The following GABRB3 variants were observed in gnomAD, a reference collection of about 807,000 sequenced individuals.
GABRB3 encodes the protein gamma-aminobutyric acid receptor subunit beta-3.
GABRB3 carries 14 observed loss-of-function variants against 52.1 expected under a neutral mutation model. The ratio of observed to expected loss-of-function variants is 0.27; its 90% CI spans 0.18 to 0.42. GABRB3 has a LOEUF of 0.42. Ranked by LOEUF, GABRB3 falls within the 10% of genes least tolerant of loss-of-function variation. GABRB3 has a pLI of 1.00. For synonymous variants in GABRB3, 260 were observed against 232.3 expected, an observed-to-expected ratio of 1.12 and a Z score of -1.08; for missense variants, 307 against 609.1, an observed-to-expected ratio of 0.50 and a Z score of 5.22.
At chr15:26,771,423 C>G (rs1566837425) in intron 3 of GABRB3, among the ~76,000 whole-genome samples, 1 of 152,154 alleles carries the variant, frequency 6.6e-6, no homozygotes. Context: ...GGATCTAAAA[C>G]CATGTCTCAC....
At chr15:26,740,278 G>A (rs1890167343) in intron 3 of GABRB3, among the ~76,000 whole-genome samples, 1 of 152,142 alleles carries the variant, frequency 6.6e-6, no homozygotes, top group African/African-American at 2.4e-5. Flanking sequence ...AGGATAATGT[G>A]AAAAGTGCAG....
chr15:26,673,658 C>G (rs1775776688), intron 3 of GABRB3, among the ~76,000 whole-genome samples: 1 of 152,212 alleles, frequency 6.6e-6, no homozygotes. Context: ...TCATTCAGAG[C>G]AAATCAGACA....
chr15:26,668,634 AGTG>A (rs1304733198), intron 3 of GABRB3, among the ~76,000 whole-genome samples: 9 of 152,186 alleles, frequency 5.9e-5, no homozygotes, highest in Non-Finnish European at 1.3e-4. Context: ...TTATTTAATC[AGTG>A]GTGTTGAAGA....
At chr15:26,645,859 T>A (rs1038599215) in intron 3 of GABRB3, among the ~76,000 whole-genome samples, 4 of 152,100 alleles carry the variant, frequency 2.6e-5, no homozygotes, top group Non-Finnish European at 4.4e-5. Flanking sequence ...CTCAAACTTC[T>A]GGGCTCAAGT....
intron 3 of GABRB3, among the ~76,000 whole-genome samples, chr15:26,731,407 C>T (rs1889910761): frequency 6.6e-6 from 1 of 152,120 alleles, no homozygotes; most frequent in South Asian, 2.1e-4. Flanking sequence ...TTGAATAAAA[C>T]CTTTTTGAGG....
intron 3 of GABRB3, among the ~76,000 whole-genome samples, chr15:26,657,733 T>C (rs1382096920): frequency 6.6e-6 from 1 of 152,174 alleles, no homozygotes; most frequent in Non-Finnish European, 1.5e-5. Flanking sequence ...GACAGAAAAG[T>C]CTGACCTAGG....
upstream of GABRB3, among the ~76,000 whole-genome samples, chr15:26,773,299 C>G (rs1431290749): frequency 6.6e-6 from 1 of 150,452 alleles, no homozygotes; most frequent in Non-Finnish European, 1.5e-5. Context: ...CCGCACGGGA[C>G]TCGGACCTCT....
Position 26,547,605 on chromosome 15 carries a change from C to T in GABRB3, c.*188G>A, listed in dbSNP as rs1840067280. The T allele has an allele frequency of 4.9e-6, 3 of 618,164 alleles. No homozygotes were observed. In the African/African-American group the frequency reaches 5.5e-5, roughly 11 times the overall value. 38.3% of individuals were successfully genotyped at this position (618,164 alleles called of 1,614,324 possible). ...ACTCCTGTGTGTATAAACATATACA[C>T]ATACATCCTCATATACACGTGTATT... On this transcript the variant is annotated 3_prime_UTR_variant, in exon 9 of 9. Transcript: ENST00000311550.
chr15:26,760,953 A>G (rs1890805633), intron 3 of GABRB3, among the ~76,000 whole-genome samples: 1 of 152,188 alleles, frequency 6.6e-6, no homozygotes, highest in Non-Finnish European at 1.5e-5. Context: ...AGTACAGGCC[A>G]GGTCCCAGAG....
chr15:26,687,431 T>C (rs960918756), intron 3 of GABRB3, among the ~76,000 whole-genome samples: 1 of 152,150 alleles, frequency 6.6e-6, no homozygotes, highest in Non-Finnish European at 1.5e-5. Flanking sequence ...TACGTGTCCA[T>C]GCAATGCCCT....
chr15:26,702,536 T>A (rs1411568800), intron 3 of GABRB3, among the ~76,000 whole-genome samples: 1 of 152,206 alleles, frequency 6.6e-6, no homozygotes, highest in Admixed American at 6.5e-5. Flanking sequence ...GAGTGGCTAA[T>A]TTTAAAGAGA....
At chr15:26,668,689 AT>A (rs1416218749) in intron 3 of GABRB3, among the ~76,000 whole-genome samples, 1 of 152,232 alleles carries the variant, frequency 6.6e-6, no homozygotes, top group African/African-American at 2.4e-5. Flanking sequence ...CTAAGATTAA[AT>A]CATATGTAAA....
intron 3 of GABRB3, among the ~76,000 whole-genome samples, chr15:26,664,628 T>C (rs1249196077): frequency 3.3e-5 from 5 of 151,870 alleles, no homozygotes; most frequent in Non-Finnish European, 5.9e-5. Context: ...GATATAGTCA[T>C]ACAGTGTGCA....
intron 3 of GABRB3, among the ~76,000 whole-genome samples, chr15:26,711,275 T>C (rs1344461585): frequency 1.4e-4 from 21 of 152,192 alleles, no homozygotes; most frequent in Admixed American, 1.4e-3. Flanking sequence ...GGATGTCGGC[T>C]GGTCTTGAAG....
At chr15:26,733,683 A>C (rs1001405591) in intron 3 of GABRB3, among the ~76,000 whole-genome samples, 1 of 152,224 alleles carries the variant, frequency 6.6e-6, no homozygotes, top group Admixed American at 6.5e-5. Context: ...ATTTTGAAAA[A>C]GAACAAAGCT....
In GABRB3 at chr15:26,694,172, T is replaced by A. The variant is rs140283646; in HGVS notation, c.241-72638A>T. 6.6e-3 allele frequency among the ~76,000 whole-genome samples: 1,000 copies of A among 152,296 alleles called. 15 individuals carry two copies. The highest frequency in any genetic ancestry group is 6.3e-3 in the Non-Finnish European group (429 of 68,024). ...GAGTCTTCTTCCCTTAACAAAGGCC[T>A]ATCTGCAAGGATAACTACTTTACTA... On this transcript the variant is annotated intron_variant, in intron 3 of 8. Coordinates refer to ENST00000311550, the MANE Select transcript of GABRB3 (RefSeq NM_000814.6).
chr15:26,603,643 C>A (rs1416335776), intron 4 of GABRB3, among the ~76,000 whole-genome samples: 1 of 152,016 alleles, frequency 6.6e-6, no homozygotes, highest in South Asian at 2.1e-4. Context: ...CAATGTGACA[C>A]ACTGTGTCAA....
intron 4 of GABRB3, among the ~76,000 whole-genome samples, chr15:26,594,993 C>A (rs1186209758): frequency 6.6e-6 from 1 of 152,202 alleles, no homozygotes. Flanking sequence ...TTCCTTAGGA[C>A]TTTTCTGAGC....
At chr15:26,625,951 C>T (rs1044088655) in intron 3 of GABRB3, among the ~76,000 whole-genome samples, 9 of 152,340 alleles carry the variant, frequency 5.9e-5, no homozygotes, top group Middle Eastern at 3.4e-3. Context: ...TAGATACACG[C>T]CTGCCTTACT....
Sources: gnomAD v4.1 joint callset for allele counts (sites outside exome capture counted in the v4.1 genomes callset) on GRCh38, gnomAD v4.1.1 for gene constraint, MANE v1.5 for transcripts, NCBI Gene and HGNC (gene_info 2026-07-23, HGNC 2026-07-21) for gene names.